The following ABCC6 variants were observed in gnomAD, a reference collection of about 807,000 sequenced individuals.
The protein encoded by ABCC6 is ATP-binding cassette sub-family C member 6.
A neutral mutation model predicts 169.5 loss-of-function variants in ABCC6; 126 were observed. The observed-to-expected ratio is 0.74, with a 90% CI of 0.64 to 0.86. ABCC6 has a LOEUF of 0.86. ABCC6 is among the 40% of genes least tolerant of loss of function. ABCC6 has a pLI of 0.00. For missense variants in ABCC6, 1,733 were observed against 1,927.2 expected, an observed-to-expected ratio of 0.90 and a Z score of 1.89; for synonymous variants, 752 against 814.7, an observed-to-expected ratio of 0.92 and a Z score of 1.31.
In ABCC6 at chr16:16,169,793, C is replaced by A; in HGVS notation, c.2848G>T (p.Ala950Ser). ...RAVGTPLCLY[A>S]LFLFLCQQVA... ...TGCTGGCAGAGGAAGAGGAAGAGTGCGTAGAGGCAGAGGGGGGTGCCCACG... is the reference window on the plus strand; with the variant it reads ...TGCTGGCAGAGGAAGAGGAAGAGTGAGTAGAGGCAGAGGGGGGTGCCCACG... Residue 950 changes from alanine (A) to serine (S), a missense_variant, in exon 22 of 31, where the codon GCA (alanine) becomes TCA (serine). Transcript: ENST00000205557. 6.3e-7 allele frequency: 1 copy of A among 1,579,638 alleles called. No individual in the cohort carries two copies.
intron 6 of ABCC6, among the ~76,000 whole-genome samples, chr16:16,209,715 C>T (rs1471846678): frequency 4.0e-5 from 6 of 151,632 alleles, no homozygotes; most frequent in Non-Finnish European, 5.9e-5. Flanking sequence ...GCGATTCTCA[C>T]GCCTCAGCCT....
chr16:16,154,501 A>G, intron 29 of ABCC6, 127 bp downstream of exon 29: 1 of 1,202,862 alleles, frequency 8.3e-7, no homozygotes, highest in Non-Finnish European at 1.2e-6. Flanking sequence ...GATAAGAGAC[A>G]TGTGGTTATT....
intron 11 of ABCC6, among the ~76,000 whole-genome samples, chr16:16,190,574 G>A (rs1291390845): frequency 6.6e-6 from 1 of 151,854 alleles, no homozygotes; most frequent in African/African-American, 2.4e-5. Flanking sequence ...CTGGGATAAT[G>A]TGCCCCATGG....
At chr16:16,176,323 T>C (rs1462488173) in intron 19 of ABCC6, among the ~76,000 whole-genome samples, 1 of 152,204 alleles carries the variant, frequency 6.6e-6, no homozygotes, top group African/African-American at 2.4e-5. Flanking sequence ...TGCTTTTTTC[T>C]GGCTAACTCT....
chr16:16,219,244 T>G (rs2048992019), intron 4 of ABCC6, among the ~76,000 whole-genome samples: 1 of 146,288 alleles, frequency 6.8e-6, no homozygotes, highest in African/African-American at 2.5e-5. Flanking sequence ...GTGCCCAGGT[T>G]GTGTGTGTGT....
At chr16:16,151,868 C>A (rs1199759078) in intron 29 of ABCC6, among the ~76,000 whole-genome samples, 1 of 152,022 alleles carries the variant, frequency 6.6e-6, no homozygotes, top group Non-Finnish European at 1.5e-5. Context: ...ATGGATCCGT[C>A]CTCGCTGAAT....
At chr16:16,193,773 G>A (rs1284800988) in intron 10 of ABCC6, among the ~76,000 whole-genome samples, 1 of 152,182 alleles carries the variant, frequency 6.6e-6, no homozygotes, top group African/African-American at 2.4e-5. Context: ...ATTCTTTCTT[G>A]CACGAGATCC....
chr16:16,166,110 G>C (rs1218224872), intron 22 of ABCC6, among the ~76,000 whole-genome samples, 177 bp from the exon 23 acceptor site: 1 of 152,190 alleles, frequency 6.6e-6, no homozygotes, highest in Non-Finnish European at 1.5e-5. Flanking sequence ...AAGTGCAGTA[G>C]CATGATGATG....
At chr16:16,209,557 A>C (rs142177969) in intron 6 of ABCC6, among the ~76,000 whole-genome samples, 5,369 of 151,856 alleles carry the variant, frequency 0.035, 111 homozygotes, top group African/African-American at 0.046. Context: ...GACCAAAACT[A>C]TCATTGTAGA....
At chr16:16,187,435 G>A (rs1365958143) in intron 13 of ABCC6, among the ~76,000 whole-genome samples, 1 of 152,202 alleles carries the variant, frequency 6.6e-6, no homozygotes, top group African/African-American at 2.4e-5. Context: ...CAGTGACACC[G>A]AAGCAAGCCA....
Position 16,149,984 on chromosome 16 carries a change from C to A in ABCC6, c.*149G>T. On this transcript the variant is annotated 3_prime_UTR_variant, in exon 31 of 31. Transcript: ENST00000205557. ...GGCTCTGATGCTCTGTGATAATTGGCCACTTTCTCTGCCATTTTCCTCCCA... is the reference window on the plus strand; with the variant it reads ...GGCTCTGATGCTCTGTGATAATTGGACACTTTCTCTGCCATTTTCCTCCCA... The A allele has an allele frequency of 2.4e-6, 3 of 1,244,278 alleles. No homozygotes were observed. The highest frequency in any genetic ancestry group is 3.4e-6 in the Non-Finnish European group (3 of 873,902). 77.1% of individuals were successfully genotyped at this position (1,244,278 alleles called of 1,614,324 possible). A position where few individuals can be genotyped will look rare whatever the true frequency, so the allele number is the denominator to read the frequency against.
chr16:16,158,618 C>T (rs1332307826), intron 26 of ABCC6, among the ~76,000 whole-genome samples: 1 of 152,166 alleles, frequency 6.6e-6, no homozygotes, highest in Non-Finnish European at 1.5e-5. Flanking sequence ...TATCATGTTG[C>T]TGTTTTGTTA....
chr16:16,198,129 G>A lies in ABCC6; in HGVS notation c.1230C>T (p.Val410=). ...GCTGCACGTCCACGGACACCAGATT[G>A]ACCACATCACCCACCGCACTGGCCT... ...SRKASAVGDV[V]NLVSVDVQRL... is the part of the protein sequence containing the mutation. Residue 410 remains valine, a synonymous_variant, in exon 10 of 31, where the codon GTC becomes GTT. Coordinates refer to ENST00000205557, the MANE Select transcript of ABCC6 (RefSeq NM_001171.6). 6.2e-7 allele frequency: 1 copy of A among 1,611,638 alleles called. No individual in the cohort carries two copies. Among genetic ancestry groups the A allele is most frequent in the African/African-American group, 1.3e-5 (1 of 75,018 alleles).
intron 21 of ABCC6, chr16:16,172,988 G>C (rs1377758591): frequency 2.2e-6 from 1 of 450,684 alleles, no homozygotes; most frequent in African/African-American, 2.0e-5. Context: ...GCTGCAGTGA[G>C]CTATGATTAC....
At chr16:16,193,191 T>G (rs2047923411) in intron 10 of ABCC6, among the ~76,000 whole-genome samples, 2 of 151,830 alleles carry the variant, frequency 1.3e-5, no homozygotes, top group Admixed American at 6.6e-5. Context: ...GCTACGAGAG[T>G]GACCTCCCGT....
At chr16:16,180,282 C>T (rs1260317516) in intron 17 of ABCC6, among the ~76,000 whole-genome samples, 1 of 152,164 alleles carries the variant, frequency 6.6e-6, no homozygotes, top group Non-Finnish European at 1.5e-5. Context: ...CTGCTGTAGA[C>T]AATATGTAAT....
In ABCC6 at chr16:16,157,715, T is replaced by G; in HGVS notation, c.3830A>C (p.Glu1277Ala). The G allele has an allele frequency of 3.7e-6, 6 of 1,613,946 alleles. No homozygotes were observed. The highest frequency in any genetic ancestry group is 4.2e-6 in the Non-Finnish European group (5 of 1,179,944). ...FRDFGLRYRP[E>A]LPLAVQGVSF... Reference sequence around the variant, plus strand: ...CACGCCCTGCACAGCCAGCGGGAGCTCAGGTCGGTATCTTAGCCCAAAGTC... The same window carrying G: ...CACGCCCTGCACAGCCAGCGGGAGCGCAGGTCGGTATCTTAGCCCAAAGTC... The change falls in exon 27 of 31, where the codon GAG (glutamate) becomes GCG (alanine). Residue 1277 changes from glutamate (E) to alanine (A), a missense_variant. This residue lies in a region of ABCC6 where 1,601 missense variants were observed against 1,635.5 expected (regional missense o/e 0.98). Coordinates refer to ENST00000205557, the MANE Select transcript of ABCC6 (RefSeq NM_001171.6).
In ABCC6 at chr16:16,150,096, G is replaced by A. The variant is rs1275155764; in HGVS notation, c.*37C>T. ...CCATCTCCAGCACTGCAGGCTGTGC[G>A]GGCTGGTCCAACTGGGGTACGGTTG... On this transcript the variant is annotated 3_prime_UTR_variant, in exon 31 of 31. Coordinates refer to ENST00000205557, the MANE Select transcript of ABCC6 (RefSeq NM_001171.6). 1.2e-5 allele frequency: 20 copies of A among 1,610,510 alleles called. No homozygotes were observed. Among genetic ancestry groups the A allele is most frequent in the African/African-American group, 5.3e-5 (4 of 74,858 alleles).
At chr16:16,171,064 C>A (rs1040633194) in intron 21 of ABCC6, among the ~76,000 whole-genome samples, 1 of 152,066 alleles carries the variant, frequency 6.6e-6, no homozygotes, top group Non-Finnish European at 1.5e-5. Context: ...CACCTCGGAG[C>A]CATTGCACCT....
Sources: allele counts gnomAD v4.1 joint callset (sites outside exome capture counted in the v4.1 genomes callset), GRCh38; gene constraint gnomAD v4.1.1; regional missense constraint gnomAD v4.1.1; transcripts MANE v1.5; gene names NCBI Gene and HGNC (gene_info 2026-07-23, HGNC 2026-07-21).